SLC6A13: variants seen among roughly 807,000 people sequenced by gnomAD.
SLC6A13 encodes the protein sodium- and chloride-dependent GABA transporter 2.
Under a neutral mutation model 72.9 loss-of-function variants are expected in SLC6A13, and 69 were observed. That is an observed-to-expected ratio of 0.95 (90% CI 0.78 to 1.16). The LOEUF (loss-of-function observed/expected upper bound fraction) is 1.16. SLC6A13 is among the 50% of genes most tolerant of loss of function. The pLI is 0.00. For missense variants in SLC6A13, 735 were observed against 760.5 expected, an observed-to-expected ratio of 0.97 and a Z score of 0.39; for synonymous variants, 303 against 303.0, an observed-to-expected ratio of 1.00 and a Z score of 0.00.
At chr12:237,875 C>T in intron 5 of SLC6A13, 51 bp downstream of exon 5, 1 of 1,362,334 alleles carries the variant, frequency 7.3e-7, no homozygotes, top group Middle Eastern at 1.9e-4. Context: ...CCTCCCCATA[C>T]CCTTCTTCTG....
At chr12:240,526 T>A (rs1283432780) in intron 4 of SLC6A13, among the ~76,000 whole-genome samples, 1 of 152,240 alleles carries the variant, frequency 6.6e-6, no homozygotes, top group East Asian at 1.9e-4. Context: ...AAACAGATCT[T>A]TAAACCTTGA....
Position 224,007 on chromosome 12 carries a change from C to T in SLC6A13, c.1296G>A (p.Leu432=). The stretch of plus-strand genomic sequence containing the variant: ...AGGCCCTCACCTCTGTGAGCATGAT[C>T]AGCCCCACAAGGAAGGAGACGACAG... The part of the protein sequence containing the change: ...GVSVVSFLVG[L]IMLTEGGMYV... The change falls in exon 11 of 15, where the codon CTG becomes CTA. Residue 432 remains leucine (L), a synonymous_variant. Transcript: ENST00000343164. 6.2e-7 allele frequency: 1 copy of T among 1,614,066 alleles called. No homozygotes were observed. Among genetic ancestry groups the T allele is most frequent in the South Asian group, 1.1e-5 (1 of 91,072 alleles).
At chr12:250,317 GT>G (rs1942491154) in intron 2 of SLC6A13, among the ~76,000 whole-genome samples, 1 of 152,028 alleles carries the variant, frequency 6.6e-6, no homozygotes, top group Non-Finnish European at 1.5e-5. Flanking sequence ...GGAATTAAAG[GT>G]TATTCCGATT....
intron 5 of SLC6A13, among the ~76,000 whole-genome samples, chr12:237,621 A>C (rs1488877100): frequency 2.0e-5 from 3 of 152,046 alleles, no homozygotes; most frequent in Non-Finnish European, 4.4e-5. Context: ...GGGGTGGGTC[A>C]GAGTCCACAC....
intron 7 of SLC6A13, among the ~76,000 whole-genome samples, chr12:228,749 T>C (rs1034074880): frequency 6.6e-6 from 1 of 152,044 alleles, no homozygotes; most frequent in Non-Finnish European, 1.5e-5. Context: ...TTCTCAGCAG[T>C]GTAGAGGCCT....
chr12:241,680 T>C (rs995542857), intron 4 of SLC6A13, among the ~76,000 whole-genome samples: 4 of 152,228 alleles, frequency 2.6e-5, no homozygotes, highest in Non-Finnish European at 5.9e-5. Context: ...AACTACCATA[T>C]TGGATAGTGC....
chr12:221,296 C>A, intron 14 of SLC6A13, 80 bp downstream of exon 14: 1 of 1,431,316 alleles, frequency 7.0e-7, no homozygotes, highest in Non-Finnish European at 9.4e-7. Flanking sequence ...ACGGTGTGCG[C>A]CCTGGCTGGC....
At chr12:224,349 GCA>G in intron 10 of SLC6A13, 50 bp downstream of exon 10, 1 of 1,508,936 alleles carries the variant, frequency 6.6e-7, no homozygotes, top group Non-Finnish European at 9.2e-7. Flanking sequence ...CTCCTCCCCA[GCA>G]CACACCCCCC....
rs1455324770 is a variant in SLC6A13 at position 227,595 on chromosome 12, C to T, written c.905G>A (p.Ser302Asn). Residue 302 changes from serine (S) to asparagine (N), a missense_variant, in exon 8 of 15, where the codon AGC (serine) becomes AAC (asparagine). Transcript: ENST00000343164. ...ICLGCLTALGSYNKYHNNCYR... is the reference protein window; with the variant it reads ...ICLGCLTALGNYNKYHNNCYR... The stretch of plus-strand genomic sequence containing the variant: ...GCAGTTGTTGTGGTACTTGTTGTAG[C>T]TGCCCAGGGCTGTCAGGCACCCAAG... 2 of 1,613,982 alleles carry T rather than the reference C, an allele frequency of 1.2e-6. No homozygotes were observed.
chr12:258,565 C>G (rs981642327), intron 2 of SLC6A13, among the ~76,000 whole-genome samples: 9 of 152,158 alleles, frequency 5.9e-5, no homozygotes, highest in Admixed American at 2.6e-4. Flanking sequence ...ACTACAAAAT[C>G]AGACCTGGGA....
intron 7 of SLC6A13, among the ~76,000 whole-genome samples, chr12:232,532 T>C (rs1941753359): frequency 6.6e-6 from 1 of 152,250 alleles, no homozygotes; most frequent in South Asian, 2.1e-4. Context: ...AATTACTGGC[T>C]GCACAACCTT....
Position 224,136 on chromosome 12 carries a change from G to A in SLC6A13, c.1174-7C>T, listed in dbSNP as rs1941337552. 6 of 1,614,108 alleles carry A rather than the reference G, an allele frequency of 3.7e-6. No homozygotes were observed. Among genetic ancestry groups the A allele is most frequent in the Non-Finnish European group, 4.2e-6 (5 of 1,180,012 alleles). ...GGCTTTCTACACACACAAACTGGAT[G>A]ACAGGGCAAAGGGATTGGAGGGAAG... On this transcript the variant is annotated splice_polypyrimidine_tract_variant and splice_region_variant and intron_variant, in intron 10 of 14. Transcript: ENST00000343164.
At chr12:262,724 G>A (rs1942968059) in intron 1 of SLC6A13, 65 bp downstream of exon 1, 2 of 984,196 alleles carry the variant, frequency 2.0e-6, no homozygotes, top group Admixed American at 1.2e-4. Context: ...TAAGTCCCAT[G>A]GATCCCACCA....
chr12:227,353 A>G, intron 8 of SLC6A13: 3 of 444,356 alleles, frequency 6.8e-6, no homozygotes, highest in Non-Finnish European at 8.9e-6. Flanking sequence ...CCAGCCAATC[A>G]CAACTATCCC....
At chr12:225,996 G>T (rs1475902096) in intron 9 of SLC6A13, among the ~76,000 whole-genome samples, 1 of 152,248 alleles carries the variant, frequency 6.6e-6, no homozygotes, top group Non-Finnish European at 1.5e-5. Flanking sequence ...AGGTGCGGAA[G>T]AGTGTGTATA....
chr12:233,741 G>A (rs912096878), intron 7 of SLC6A13, among the ~76,000 whole-genome samples: 11 of 152,166 alleles, frequency 7.2e-5, no homozygotes, highest in African/African-American at 2.7e-4. Context: ...TATGGCCCTT[G>A]AGAGATATTA....
chr12:250,269 G>T (rs1425195141), intron 2 of SLC6A13, among the ~76,000 whole-genome samples: 1 of 152,134 alleles, frequency 6.6e-6, no homozygotes, highest in Admixed American at 6.5e-5. Flanking sequence ...CTGTACTGGG[G>T]ATTCTAGCCA....
At chr12:225,812 A>G (rs1038247400) in intron 9 of SLC6A13, among the ~76,000 whole-genome samples, 1 of 152,244 alleles carries the variant, frequency 6.6e-6, no homozygotes, top group Non-Finnish European at 1.5e-5. Flanking sequence ...AAAGTAGGTG[A>G]GCAAGAGAAA....
At chr12:223,002 T>G in intron 12 of SLC6A13, 130 bp downstream of exon 12, 1 of 619,870 alleles carries the variant, frequency 1.6e-6, no homozygotes, top group Non-Finnish European at 2.9e-6. Flanking sequence ...TTTGCAAGAT[T>G]TTGGAGGTTG....
Sources: allele counts gnomAD v4.1 joint callset (sites outside exome capture counted in the v4.1 genomes callset), GRCh38; gene constraint gnomAD v4.1.1; transcripts MANE v1.5; gene names NCBI Gene and HGNC (gene_info 2026-07-23, HGNC 2026-07-21).